NHLRC3: variants seen among roughly 807,000 people sequenced by gnomAD.
The protein encoded by NHLRC3 is NHL repeat-containing protein 3.
Under a neutral mutation model 32.0 loss-of-function variants are expected in NHLRC3, and 23 were observed. The observed-to-expected ratio is 0.72, with a 90% CI of 0.52 to 1.02. NHLRC3 has a LOEUF of 1.02. NHLRC3 is among the 50% of genes least tolerant of loss of function. The pLI is 0.00. For synonymous variants in NHLRC3, 159 were observed against 147.9 expected (o/e 1.08, Z -0.55); for missense variants, 407 against 406.8 (o/e 1.00, Z -0.01).
In NHLRC3 at chr13:39,044,235, GTGTGT is replaced by G. The variant is rs1566033890; in HGVS notation, c.678+55_678+59del. 4,448 of 760,656 alleles carry G rather than the reference GTGTGT, an allele frequency of 5.8e-3. 105 individuals carry two copies. Among genetic ancestry groups the G allele is most frequent in the African/African-American group, 0.053 (3,105 of 58,644 alleles). 47.1% of individuals were successfully genotyped at this position (760,656 alleles called of 1,614,324 possible). On this transcript the variant is annotated intron_variant, in intron 5 of 6. Transcript: ENST00000379600. The stretch of plus-strand genomic sequence containing the variant: ...ACTTTGTGTCTGAATATGTTTGTGT[GTGTGT>G]GTGTGTGTGTGTGTGTGTGTGTGTG...
chr13:39,044,031 A>T, intron 4 of NHLRC3, 59 bp from the exon 5 acceptor site: 1 of 1,170,656 alleles, frequency 8.5e-7, no homozygotes, highest in Non-Finnish European at 1.3e-6. Flanking sequence ...TTCATAAAAT[A>T]TGCAAATGCA....
At chr13:39,046,477 A>G (rs1288647069) in intron 5 of NHLRC3, among the ~76,000 whole-genome samples, 1 of 152,150 alleles carries the variant, frequency 6.6e-6, no homozygotes, top group Non-Finnish European at 1.5e-5. Flanking sequence ...ACTGTTCTTT[A>G]TTTGTTGCTA....
In NHLRC3 at chr13:39,049,636, A is replaced by T. The variant is rs554516299; in HGVS notation, c.*1710A>T. 3 of 152,376 alleles carry T rather than the reference A, an allele frequency of 2.0e-5. No individual in the cohort carries two copies. The East Asian group carries it at 5.8e-4, about 29-fold the overall frequency. 9.4% of individuals were successfully genotyped at this position (152,376 alleles called of 1,614,324 possible). A position where few individuals can be genotyped will look rare whatever the true frequency, so the allele number is the denominator to read the frequency against. Reference sequence around the variant, plus strand: ...ATCAAAACGTATCCTCATAGACTTTATGCAGATTAATATGGTCAATTGATT... The same window carrying T: ...ATCAAAACGTATCCTCATAGACTTTTTGCAGATTAATATGGTCAATTGATT... On this transcript the variant is annotated 3_prime_UTR_variant, in exon 7 of 7. Transcript: ENST00000379600.
chr13:39,044,254 T>TGTGTGTGG, intron 5 of NHLRC3, 73 bp downstream of exon 5: 1 of 977,608 alleles, frequency 1.0e-6, no homozygotes, highest in Non-Finnish European at 1.7e-6. Flanking sequence ...TGTGTGTGTG[T>TGTGTGTGG]GTGTGTGTGT....
Position 39,039,740 on chromosome 13 carries a change from C to T in NHLRC3, c.385+29C>T, listed in dbSNP as rs926106145. 11 of 1,530,324 alleles carry T rather than the reference C, an allele frequency of 7.2e-6. No individual in the cohort carries two copies. The African/African-American group carries it at 8.2e-5, about 11-fold the overall frequency. 94.8% of individuals were successfully genotyped at this position (1,530,324 alleles called of 1,614,324 possible). A position where few individuals can be genotyped will look rare whatever the true frequency, so the allele number is the denominator to read the frequency against. On this transcript the variant is annotated intron_variant, in intron 3 of 6. Transcript: ENST00000379600. ...TGTATAGTAATATCTATTAAATTAT[C>T]TTACTGGAAATCACATCTTTGCACA...
intron 4 of NHLRC3, among the ~76,000 whole-genome samples, chr13:39,043,379 G>T (rs548259035): frequency 1.3e-5 from 2 of 152,286 alleles, no homozygotes; most frequent in African/African-American, 4.8e-5. Flanking sequence ...CTGGTAGACT[G>T]TGCTCACTCT....
intron 5 of NHLRC3, 84 bp downstream of exon 5, chr13:39,044,265 G>GTGTGTGTA: frequency 1.1e-6 from 1 of 908,614 alleles, no homozygotes; most frequent in Non-Finnish European, 1.8e-6. Context: ...GTGTGTGTGT[G>GTGTGTGTA]TGTCTGGGCA....
At chr13:39,039,509 C>A in intron 2 of NHLRC3, 55 bp from the exon 3 acceptor site, 1 of 1,441,784 alleles carries the variant, frequency 6.9e-7, no homozygotes, top group Non-Finnish European at 9.6e-7. Flanking sequence ...CGCCAAGATA[C>A]AGATTACCTT....
chr13:39,041,532 G>C (rs1229310210), intron 3 of NHLRC3: 1 of 152,066 alleles, frequency 6.6e-6, no homozygotes, highest in Non-Finnish European at 1.5e-5. Flanking sequence ...AAATTTTAAC[G>C]TGAGAAAATA....
upstream of NHLRC3, chr13:39,038,398 A>G (rs541002834): frequency 2.3e-4 from 131 of 557,820 alleles, no homozygotes; most frequent in African/African-American, 2.1e-3. Context: ...AGCACCTGAC[A>G]TGAGGGCGGG....
At chr13:39,047,413 C>A (rs566755984) in intron 6 of NHLRC3, among the ~76,000 whole-genome samples, 3 of 152,134 alleles carry the variant, frequency 2.0e-5, no homozygotes, top group Admixed American at 6.5e-5. Context: ...AGCCTAACAT[C>A]AATTCTTCAT....
rs1482641990 is a variant in NHLRC3 at position 39,039,254 on chromosome 13, T to G, written c.203T>G (p.Val68Gly). 5.6e-6 allele frequency: 9 copies of G among 1,613,962 alleles called. No homozygotes were observed. In the African/African-American group the frequency reaches 9.3e-5, roughly 17 times the overall value. ...ACCGGAACAACATTTTGTGTTGCAG[T>G]TGACTCCCTCAATGGATTGGTTTAC... ...YFTGTTFCVA[V>G]DSLNGLVYIG... Residue 68 changes from valine to glycine, a missense_variant, in exon 2 of 7, where the codon GTT (valine) becomes GGT (glycine). By Grantham distance (109) the Val-to-Gly change is moderately radical (BLOSUM62 -3). Coordinates refer to ENST00000379600, the MANE Select transcript of NHLRC3 (RefSeq NM_001012754.4).
In NHLRC3 at chr13:39,039,284, G is replaced by A. The variant is rs1218433937; in HGVS notation, c.233G>A (p.Gly78Asp). Reference protein sequence around the residue: ...VDSLNGLVYIGQRGDNIPKIL... With the variant: ...VDSLNGLVYIDQRGDNIPKIL... ...TCCCTCAATGGATTGGTTTACATAG[G>A]TCAAGTAAGTAAATAGAGATTTAAA... is the stretch of plus-strand genomic sequence containing the variant. Residue 78 changes from glycine to aspartate, a missense_variant, in exon 2 of 7, where the codon GGT becomes GAT. Coordinates refer to ENST00000379600, the MANE Select transcript of NHLRC3 (RefSeq NM_001012754.4). 6 of 1,609,666 alleles carry A rather than the reference G, an allele frequency of 3.7e-6. No homozygotes were observed. Among genetic ancestry groups the A allele is most frequent in the East Asian group, 4.5e-5 (2 of 44,856 alleles).
chr13:39,043,473 A>T (rs1435790368), intron 4 of NHLRC3, among the ~76,000 whole-genome samples: 1 of 152,092 alleles, frequency 6.6e-6, no homozygotes, highest in Non-Finnish European at 1.5e-5. Context: ...GTCTGTCTCC[A>T]TATTCACATG....
intron 5 of NHLRC3, 60 bp downstream of exon 5, chr13:39,044,241 G>A: frequency 8.8e-6 from 8 of 909,182 alleles, no homozygotes; most frequent in Non-Finnish European, 1.5e-5. Flanking sequence ...GTGTGTGTGT[G>A]TGTGTGTGTG....
chr13:39,046,936 T>C (rs1871701018), intron 5 of NHLRC3, 104 bp from the exon 6 acceptor site: 1 of 796,812 alleles, frequency 1.3e-6, no homozygotes. Flanking sequence ...TTTGGAATCC[T>C]CTTAAGTGAG....
chr13:39,044,238 T>TGG, intron 5 of NHLRC3, 57 bp downstream of exon 5: 1 of 827,194 alleles, frequency 1.2e-6, no homozygotes, highest in Non-Finnish European at 2.0e-6. Flanking sequence ...TTTGTGTGTG[T>TGG]GTGTGTGTGT....
Position 39,046,240 on chromosome 13 carries a change from A to T in NHLRC3, c.679-800A>T, listed in dbSNP as rs182485660. 4.2e-3 allele frequency among the ~76,000 whole-genome samples: 639 copies of T among 152,236 alleles called. 8 individuals carry two copies. The highest frequency in any genetic ancestry group is 0.015 in the African/African-American group (619 of 41,544). ...AGGCTGAGGCAGGAGAATGGCGTGT[A>T]CCCGGGAGGCGGAGCTTGCAGTGAG... is the stretch of plus-strand genomic sequence containing the variant. On this transcript the variant is annotated intron_variant, in intron 5 of 6. Coordinates refer to ENST00000379600, the MANE Select transcript of NHLRC3 (RefSeq NM_001012754.4).
In NHLRC3 at chr13:39,047,035, C is replaced by T. The variant is rs1266198329; in HGVS notation, c.679-5C>T. Reference sequence around the variant, plus strand: ...TTTCAATTGACATTTTTGTGTGTTTCTCAGGTGTGGGTTGCTGACCGAGGA... The same window carrying T: ...TTTCAATTGACATTTTTGTGTGTTTTTCAGGTGTGGGTTGCTGACCGAGGA... On this transcript the variant is annotated splice_region_variant and splice_polypyrimidine_tract_variant and intron_variant, in intron 5 of 6. Transcript: ENST00000379600. 6.4e-7 allele frequency: 1 copy of T among 1,570,124 alleles called. No individual in the cohort carries two copies. The highest frequency in any genetic ancestry group is 8.7e-7 in the Non-Finnish European group (1 of 1,143,236).
Sources: gnomAD v4.1 joint callset for allele counts (sites outside exome capture counted in the v4.1 genomes callset) on GRCh38, gnomAD v4.1.1 for gene constraint, MANE v1.5 for transcripts, NCBI Gene and HGNC (gene_info 2026-07-23, HGNC 2026-07-21) for gene names.